Variants in COL27A1 observed in about 807,000 individuals in gnomAD.
COL27A1 encodes the protein collagen alpha-1(XXVII) chain.
A neutral mutation model predicts 251.3 loss-of-function variants in COL27A1; 106 were observed. The observed-to-expected ratio is 0.42, with a 90% CI of 0.36 to 0.50. The LOEUF (loss-of-function observed/expected upper bound fraction) is 0.50. Ranked by LOEUF, COL27A1 falls within the 20% of genes least tolerant of loss-of-function variation. The pLI, the probability that COL27A1 is intolerant of heterozygous loss-of-function variation, is 0.00. For missense variants in COL27A1, 2,325 were observed against 2,522.8 expected (o/e 0.92, Z 1.68); for synonymous variants, 1,000 against 986.3 (o/e 1.01, Z -0.26).
At chr9:114,174,869 G>C (rs531263773) in intron 3 of COL27A1, among the ~76,000 whole-genome samples, 8 of 152,282 alleles carry the variant, frequency 5.3e-5, no homozygotes, top group African/African-American at 1.9e-4. Flanking sequence ...AGCTCAGATG[G>C]TCAGAGATGG....
At position 114,242,191 on chromosome 9, in the gene COL27A1, A is replaced by G. The variant is rs1220736785; in HGVS notation, c.2840A>G (p.Asp947Gly). 3 of 1,605,734 alleles carry G rather than the reference A, an allele frequency of 1.9e-6. No individual in the cohort carries two copies. Among genetic ancestry groups the G allele is most frequent in the Middle Eastern group, 1.7e-4 (1 of 5,994 alleles). The change falls in exon 22 of 61, where the codon GAT (aspartate) becomes GGT (glycine). Residue 947 changes from aspartate to glycine, a missense_variant. Around this residue, in one of 4 missense-constraint regions of COL27A1, gnomAD observed 662 missense variants for 795.3 expected, o/e 0.83. Coordinates refer to ENST00000356083, the MANE Select transcript of COL27A1 (RefSeq NM_032888.4). ...TCTCGTGTCTCCCAATTCTAGGGAG[A>G]TGAGGGACCCATGGGGCCGCCAGGG... ...GPRGQLGPEG[D>G]EGPMGPPGAP...
In COL27A1 at chr9:114,279,301, G is replaced by A. The variant is rs192435847; in HGVS notation, c.3718-2976G>A. Among the ~76,000 whole-genome samples the A allele has an allele frequency of 9.3e-4, 141 of 152,260 alleles. 2 individuals are homozygous for A. In the Middle Eastern group the frequency reaches 0.01, roughly 11 times the overall value. ...GCCTCAGTTCCTTTAGCTCCAAAAC[G>A]GGATAAATAATCCCTTCCTCCAAAC... On this transcript the variant is annotated intron_variant, in intron 37 of 60. Coordinates refer to ENST00000356083, the MANE Select transcript of COL27A1 (RefSeq NM_032888.4).
Position 114,290,941 on chromosome 9 carries a change from A to AC in COL27A1, c.4476+27dup. 6.6e-7 allele frequency: 1 copy of AC among 1,506,292 alleles called. No individual in the cohort carries two copies. Among genetic ancestry groups the AC allele is most frequent in the Non-Finnish European group, 9.0e-7 (1 of 1,108,592 alleles). The allele number at this position is 1,506,292 out of a possible 1,614,324, so 93.3% of individuals were successfully genotyped here. A position where few individuals can be genotyped will look rare whatever the true frequency, so the allele number is the denominator to read the frequency against. ...AGGTCAGATACCTCTTAATACACTT[A>AC]CCCACCCTCTGCCCTTTCTGCCTTG... is the stretch of plus-strand genomic sequence containing the variant. On this transcript the variant is annotated intron_variant, in intron 48 of 60. Transcript: ENST00000356083. This position sits in a 1 kb window ranked among gnomAD's most constrained non-coding sequence, Gnocchi z 4.6.
At chr9:114,210,844 TG>T in intron 11 of COL27A1, 137 bp from the exon 12 acceptor site, 1 of 772,192 alleles carries the variant, frequency 1.3e-6, no homozygotes. Flanking sequence ...TGCATGTCAC[TG>T]GGGCCGCCAC....
chr9:114,264,423 G>A lies in COL27A1; in HGVS notation c.3249+15G>A, dbSNP rs1171997454. ...GGGGCCTGAAGGTACCGACCCCTAG[G>A]ACCTGCCCTTCCTCACTCCTCCGAC... On this transcript the variant is annotated intron_variant, in intron 29 of 60. Transcript: ENST00000356083. 3 of 1,549,824 alleles carry A rather than the reference G, an allele frequency of 1.9e-6. No individual in the cohort carries two copies. The highest frequency in any genetic ancestry group is 2.6e-6 in the Non-Finnish European group (3 of 1,143,842).
intron 24 of COL27A1, 79 bp from the exon 25 acceptor site, chr9:114,250,536 G>C (rs1364814971): frequency 7.4e-7 from 1 of 1,356,544 alleles, no homozygotes; most frequent in South Asian, 1.2e-5. Context: ...CCTGGGAGAT[G>C]AGCTTCAGGG....
At position 114,251,999 on chromosome 9, in the gene COL27A1, G is replaced by C. The variant is rs114358649; in HGVS notation, c.3034-594G>C. Among the ~76,000 whole-genome samples the C allele has an allele frequency of 5.6e-3, 858 of 152,328 alleles. 6 individuals are homozygous for C. The highest frequency in any genetic ancestry group is 0.019 in the African/African-American group (808 of 41,570). ...CATAGTAGGTGCTCAATAGATATTTGCTGGCTGGGTGGATACAAGAAACAG... is the reference window on the plus strand; with the variant it reads ...CATAGTAGGTGCTCAATAGATATTTCCTGGCTGGGTGGATACAAGAAACAG... On this transcript the variant is annotated intron_variant, in intron 25 of 60. Coordinates refer to ENST00000356083, the MANE Select transcript of COL27A1 (RefSeq NM_032888.4).
chr9:114,226,147 G>A (rs997951209), intron 14 of COL27A1, among the ~76,000 whole-genome samples: 4 of 152,166 alleles, frequency 2.6e-5, no homozygotes, highest in Admixed American at 1.3e-4. Flanking sequence ...GTGACACAGA[G>A]GAAATTTTGG....
At chr9:114,243,371 G>T in intron 22 of COL27A1, 136 bp from the exon 23 acceptor site, 1 of 715,802 alleles carries the variant, frequency 1.4e-6, no homozygotes. Flanking sequence ...GTGGACTCAG[G>T]GTTATATGCC....
At chr9:114,253,675 C>T (rs570780706) in intron 27 of COL27A1, among the ~76,000 whole-genome samples, 2 of 152,266 alleles carry the variant, frequency 1.3e-5, no homozygotes, top group East Asian at 1.9e-4. Context: ...TTAACTTCTC[C>T]AAGCCTGAAT....
At chr9:114,307,575 C>T (rs756504247) in intron 58 of COL27A1, 94 bp from the exon 59 acceptor site, 17 of 855,136 alleles carry the variant, frequency 2.0e-5, no homozygotes, top group Admixed American at 3.6e-5. Flanking sequence ...ACCTGGGGCT[C>T]GGCAGGTCAC....
chr9:114,300,485 T>C (rs1828540405), intron 50 of COL27A1, 140 bp from the exon 51 acceptor site: 4 of 610,830 alleles, frequency 6.5e-6, no homozygotes, highest in Middle Eastern at 4.4e-4. Flanking sequence ...AGGTGTTTCT[T>C]ACTCCTTCTG....
intron 15 of COL27A1, among the ~76,000 whole-genome samples, 156 bp downstream of exon 15, chr9:114,231,288 G>A (rs988256446): frequency 6.6e-6 from 1 of 152,226 alleles, no homozygotes; most frequent in Admixed American, 6.5e-5. Context: ...GGCAGGTCAG[G>A]AGCTGTCAGC....
intron 16 of COL27A1, 60 bp downstream of exon 16, chr9:114,231,926 C>G: frequency 6.5e-7 from 1 of 1,534,066 alleles, no homozygotes; most frequent in Non-Finnish European, 9.0e-7. Context: ...CCCTCTCCGC[C>G]CGGAGGCTGC....
chr9:114,287,812 G>A (rs992132934), intron 41 of COL27A1, among the ~76,000 whole-genome samples: 1 of 152,172 alleles, frequency 6.6e-6, no homozygotes, highest in South Asian at 2.1e-4. Flanking sequence ...AGCAAGGATC[G>A]GAGACAGGGA....
chr9:114,252,737 T>A, intron 26 of COL27A1, 91 bp downstream of exon 26: 2 of 1,433,638 alleles, frequency 1.4e-6, no homozygotes, highest in African/African-American at 1.4e-5. Context: ...ACCCCAGACG[T>A]TCAGAATGAC....
chr9:114,209,392 C>G (rs1211208583), intron 10 of COL27A1: 3 of 714,492 alleles, frequency 4.2e-6, no homozygotes, highest in South Asian at 4.1e-5. Flanking sequence ...TCCTGGAGCC[C>G]TGGCGTGGGG....
At chr9:114,284,892 GC>G in intron 41 of COL27A1, 115 bp downstream of exon 41, 2 of 1,132,466 alleles carry the variant, frequency 1.8e-6, no homozygotes, top group Non-Finnish European at 1.3e-6. Context: ...GCCTGTGGGG[GC>G]TCACCCCCTG....
At chr9:114,303,771 G>A (rs1416402034) in intron 56 of COL27A1, among the ~76,000 whole-genome samples, 4 of 152,152 alleles carry the variant, frequency 2.6e-5, no homozygotes, top group Admixed American at 6.5e-5. Context: ...GCAAGACCAC[G>A]GCTATGTCTC....
Sources: gnomAD v4.1 joint callset for allele counts (sites outside exome capture counted in the v4.1 genomes callset) on GRCh38, gnomAD v4.1.1 for gene constraint, gnomAD v4.1.1 regional missense constraint, Gnocchi (gnomAD v3.1) non-coding constraint, MANE v1.5 for transcripts, NCBI Gene and HGNC (gene_info 2026-07-23, HGNC 2026-07-21) for gene names.